The following PDE4B variants were observed in gnomAD, a reference collection of about 807,000 sequenced individuals.
PDE4B encodes 3',5'-cyclic-AMP phosphodiesterase 4B.
A neutral mutation model predicts 82.2 loss-of-function variants in PDE4B; 20 were observed. That is an observed-to-expected ratio of 0.24 (90% CI 0.17 to 0.35). The LOEUF is 0.35. Among genes scored for constraint, PDE4B ranks in the 10% least tolerant of loss-of-function variants. The probability of loss-of-function intolerance (pLI) is 1.00; values close to 1 mark genes in which losing one functional copy is unlikely to be tolerated. For missense variants in PDE4B, 655 were observed against 907.2 expected (o/e 0.72, Z 3.57); for synonymous variants, 320 against 318.9 (o/e 1.00, Z -0.04).
intron 1 of PDE4B, among the ~76,000 whole-genome samples, chr1:65,877,677 G>A (rs1460493525): frequency 1.3e-5 from 2 of 151,224 alleles, no homozygotes; most frequent in African/African-American, 4.8e-5. Context: ...AAACTGACTA[G>A]TCATATGCAG....
intron 3 of PDE4B, among the ~76,000 whole-genome samples, chr1:66,139,476 G>A (rs1415263411): frequency 5.9e-5 from 9 of 152,156 alleles, no homozygotes; most frequent in Non-Finnish European, 1.5e-5. Flanking sequence ...CCCTCCAGTA[G>A]GAGAATGTTC....
chr1:65,902,383 G>C (rs1368894505), intron 1 of PDE4B, among the ~76,000 whole-genome samples: 1 of 152,040 alleles, frequency 6.6e-6, no homozygotes, highest in African/African-American at 2.4e-5. Context: ...AGCTCTTATT[G>C]GTAGCTAAGT....
chr1:66,219,210 G>A (rs1650760395), intron 3 of PDE4B, among the ~76,000 whole-genome samples: 1 of 152,088 alleles, frequency 6.6e-6, no homozygotes, highest in Admixed American at 6.6e-5. Context: ...AGTGGCGAGG[G>A]CAACATGATG....
intron 3 of PDE4B, among the ~76,000 whole-genome samples, chr1:66,028,776 C>T (rs1653596378): frequency 6.6e-6 from 1 of 152,158 alleles, no homozygotes; most frequent in Non-Finnish European, 1.5e-5. Flanking sequence ...TAACAAGAGT[C>T]ACCTTTGCTC....
intron 7 of PDE4B, among the ~76,000 whole-genome samples, chr1:66,330,288 G>A (rs987925170): frequency 6.6e-6 from 1 of 152,202 alleles, no homozygotes. Flanking sequence ...CACATCTCAC[G>A]TTGTACCAAC....
chr1:66,120,199 A>T (rs17455672), intron 3 of PDE4B, among the ~76,000 whole-genome samples: 9,475 of 152,238 alleles, frequency 0.062, 436 homozygotes, highest in South Asian at 0.18. Context: ...ACTAGATAAC[A>T]TGATCTCCAG....
At chr1:66,087,872 G>A (rs1302452736) in intron 3 of PDE4B, among the ~76,000 whole-genome samples, 1 of 109,134 alleles carries the variant, frequency 9.2e-6, no homozygotes, top group African/African-American at 3.5e-5. Flanking sequence ...CTGTTGTGGG[G>A]TGGGGGGAGG....
intron 7 of PDE4B, among the ~76,000 whole-genome samples, chr1:66,330,079 C>T (rs966051792): frequency 5.3e-5 from 8 of 152,194 alleles, no homozygotes; most frequent in Non-Finnish European, 1.2e-4. Flanking sequence ...CCTCTGTGCC[C>T]ATGGCTTAGT....
At chr1:66,031,460 A>C (rs1445436391) in intron 3 of PDE4B, among the ~76,000 whole-genome samples, 2 of 152,224 alleles carry the variant, frequency 1.3e-5, no homozygotes, top group Non-Finnish European at 2.9e-5. Flanking sequence ...CAGTTTACAA[A>C]AAATGAAATA....
intron 1 of PDE4B, among the ~76,000 whole-genome samples, chr1:65,845,609 A>G (rs1167943477): frequency 6.6e-6 from 1 of 152,124 alleles, no homozygotes; most frequent in Non-Finnish European, 1.5e-5. Flanking sequence ...AGGAATAGGG[A>G]AGCAGAGCTC....
At chr1:66,007,948 G>T (rs1375237314) in intron 3 of PDE4B, among the ~76,000 whole-genome samples, 1 of 152,106 alleles carries the variant, frequency 6.6e-6, no homozygotes, top group African/African-American at 2.4e-5. Context: ...CATTTTATAT[G>T]CTGACAAGGT....
chr1:66,016,015 C>T (rs1652756353), intron 3 of PDE4B, among the ~76,000 whole-genome samples: 1 of 152,068 alleles, frequency 6.6e-6, no homozygotes, highest in South Asian at 2.1e-4. Context: ...TTTAGGAGCT[C>T]GTAGTGTGCA....
chr1:66,175,204 A>C (rs1176516375), intron 3 of PDE4B, among the ~76,000 whole-genome samples: 1 of 152,204 alleles, frequency 6.6e-6, no homozygotes, highest in Non-Finnish European at 1.5e-5. Context: ...ATTTCCAGAA[A>C]CCAGTAAATA....
At chr1:66,140,766 T>C (rs1466136980) in intron 3 of PDE4B, among the ~76,000 whole-genome samples, 1 of 152,198 alleles carries the variant, frequency 6.6e-6, no homozygotes, top group Non-Finnish European at 1.5e-5. Context: ...CAGTTAAATC[T>C]TTTATATGGA....
At chr1:65,981,846 C>G (rs543921151) in intron 3 of PDE4B, among the ~76,000 whole-genome samples, 4 of 152,158 alleles carry the variant, frequency 2.6e-5, no homozygotes, top group Admixed American at 6.6e-5. Context: ...TGCCTTCCCC[C>G]CAAGAAAGGG....
intron 3 of PDE4B, among the ~76,000 whole-genome samples, chr1:66,096,541 T>TATATATATATAC (rs1557558033): frequency 2.1e-5 from 3 of 144,632 alleles, no homozygotes; most frequent in Admixed American, 7.0e-5. Context: ...TATATATATA[T>TATATATATATAC]ACTGCATTTC....
intron 3 of PDE4B, among the ~76,000 whole-genome samples, chr1:65,957,696 G>A (rs1397216657): frequency 6.6e-6 from 1 of 151,744 alleles, no homozygotes; most frequent in Non-Finnish European, 1.5e-5. Flanking sequence ...GATTTATTTA[G>A]GTCTGTCAAA....
At chr1:66,129,219 T>C (rs1645884345) in intron 3 of PDE4B, among the ~76,000 whole-genome samples, 1 of 152,130 alleles carries the variant, frequency 6.6e-6, no homozygotes, top group Non-Finnish European at 1.5e-5. Flanking sequence ...AATAAAATAA[T>C]AAAACATTTA....
chr1:66,035,309 T>G (rs1268624451), intron 3 of PDE4B, among the ~76,000 whole-genome samples: 1 of 152,184 alleles, frequency 6.6e-6, no homozygotes, highest in Non-Finnish European at 1.5e-5. Context: ...CCTCAAATAT[T>G]TGTTATTTCT....
Sources: allele counts gnomAD v4.1 joint callset (sites outside exome capture counted in the v4.1 genomes callset), GRCh38; gene constraint gnomAD v4.1.1; transcripts MANE v1.5; gene names NCBI Gene and HGNC (gene_info 2026-07-23, HGNC 2026-07-21).